The following NEMF variants were observed in gnomAD, a reference collection of about 807,000 sequenced individuals.
NEMF encodes nuclear export mediator factor.
A neutral mutation model predicts 162.2 loss-of-function variants in NEMF; 89 were observed. The ratio of observed to expected loss-of-function variants is 0.55; its 90% CI spans 0.46 to 0.65. The LOEUF is 0.65. Among genes scored for constraint, NEMF ranks in the 30% least tolerant of loss-of-function variants. The pLI, the probability that NEMF is intolerant of heterozygous loss-of-function variation, is 0.00. For missense variants in NEMF, 1,133 were observed against 1,261.9 expected, an observed-to-expected ratio of 0.90 and a Z score of 1.55; for synonymous variants, 421 against 404.5, an observed-to-expected ratio of 1.04 and a Z score of -0.49.
chr14:49,841,574 T>C (rs576496093), intron 4 of NEMF, among the ~76,000 whole-genome samples: 1 of 118,026 alleles, frequency 8.5e-6, no homozygotes, highest in Admixed American at 8.6e-5. Context: ...AACTCTCGTC[T>C]TAAGAAAAAA....
At chr14:49,788,855 CCTCT>C (rs1391068261) in intron 28 of NEMF, among the ~76,000 whole-genome samples, 1 of 152,130 alleles carries the variant, frequency 6.6e-6, no homozygotes, top group Admixed American at 6.5e-5. Context: ...CCGTGCCAGG[CCTCT>C]CTGTCTTAAT....
At position 49,828,333 on chromosome 14, in the gene NEMF, A is replaced by AT; in HGVS notation, c.1445dup (p.Tyr482Ter). The change falls in exon 15 of 33, where the codon TAT becomes TAAT. Residue 482 changes from tyrosine (Y) to a stop codon, truncating the protein, a stop_gained and frameshift_variant. Coordinates refer to ENST00000298310, the MANE Select transcript of NEMF (RefSeq NM_004713.6). LOFTEE classifies it high-confidence loss of function. ...CAGTCTTTTGTGTTTTCTTAGCAGC[A>AT]TATCTCTTGTGATCATAATACCTAG... ...NAKKYYDHKR[Y>*]AAKKTQKTVE... 1 of 1,599,100 alleles carries AT rather than the reference A, an allele frequency of 6.3e-7. No individual in the cohort carries two copies. The highest frequency in any genetic ancestry group is 8.5e-7 in the Non-Finnish European group (1 of 1,169,788).
At chr14:49,849,470 A>G (rs1167680683) in intron 3 of NEMF, among the ~76,000 whole-genome samples, 2 of 152,264 alleles carry the variant, frequency 1.3e-5, no homozygotes, top group Non-Finnish European at 2.9e-5. Flanking sequence ...GATTTATCAC[A>G]TAATAGACAT....
intron 26 of NEMF, among the ~76,000 whole-genome samples, chr14:49,791,592 C>A (rs891963664): frequency 6.6e-6 from 1 of 151,864 alleles, no homozygotes; most frequent in Admixed American, 6.6e-5. Context: ...CAAAAAGTAG[C>A]TGGGCATAGT....
At chr14:49,796,846 C>G (rs754482620) in intron 25 of NEMF, among the ~76,000 whole-genome samples, 8 of 152,170 alleles carry the variant, frequency 5.3e-5, no homozygotes, top group Non-Finnish European at 1.2e-4. Flanking sequence ...TATCATTTCC[C>G]CAAAGCACTA....
rs986207069 is a variant in NEMF, at chr14:49,796,049, T to G, written c.2466-105A>C. The G allele has an allele frequency of 1.3e-5, 10 of 743,592 alleles. No homozygotes were observed. The African/African-American group carries it at 1.6e-4, about 12-fold the overall frequency. 46.1% of individuals were successfully genotyped at this position (743,592 alleles called of 1,614,324 possible). ...CACATATACAGTATATAAATGGTCA[T>G]GGCTTCTGCTTCACTTGATAATCAC... is the stretch of plus-strand genomic sequence containing the variant. On this transcript the variant is annotated intron_variant, in intron 25 of 32. Coordinates refer to ENST00000298310, the MANE Select transcript of NEMF (RefSeq NM_004713.6).
At chr14:49,811,503 C>T (rs993123425) in intron 18 of NEMF, among the ~76,000 whole-genome samples, 2 of 152,118 alleles carry the variant, frequency 1.3e-5, no homozygotes, top group African/African-American at 4.8e-5. Context: ...CAAGAACAGA[C>T]ATATTTGTCT....
chr14:49,799,606 A>T, intron 24 of NEMF, 30 bp downstream of exon 24: 1 of 1,601,416 alleles, frequency 6.2e-7, no homozygotes, highest in Non-Finnish European at 8.5e-7. Context: ...TGAGAATCGG[A>T]TGTTCTTCAT....
intron 5 of NEMF, among the ~76,000 whole-genome samples, chr14:49,840,048 T>TA (rs1392423411): frequency 6.6e-6 from 1 of 152,082 alleles, no homozygotes; most frequent in African/African-American, 2.4e-5. Flanking sequence ...TAGTTCCACC[T>TA]ACTTGGGAGG....
intron 18 of NEMF, 61 bp downstream of exon 18, chr14:49,813,927 G>T: frequency 9.8e-7 from 1 of 1,023,204 alleles, no homozygotes; most frequent in Admixed American, 1.8e-5. Context: ...TTGTCTTACA[G>T]TCACACTAAA....
At chr14:49,829,830 A>C (rs1892551961) in intron 11 of NEMF, among the ~76,000 whole-genome samples, 1 of 152,018 alleles carries the variant, frequency 6.6e-6, no homozygotes, top group South Asian at 2.1e-4. Flanking sequence ...GCTGCTCTCC[A>C]ATGTCTGAGC....
At chr14:49,828,430 A>T in intron 14 of NEMF, 76 bp from the exon 15 acceptor site, 9 of 1,054,498 alleles carry the variant, frequency 8.5e-6, no homozygotes, top group Non-Finnish European at 1.3e-5. Flanking sequence ...TAACTTGACA[A>T]ATTCTCAAAT....
chr14:49,825,977 A>G, intron 15 of NEMF, 22 bp from the exon 16 acceptor site: 1 of 1,514,342 alleles, frequency 6.6e-7, no homozygotes, highest in Non-Finnish European at 9.1e-7. Flanking sequence ...AAAGAGTTTT[A>G]AAAACAATTT....
intron 29 of NEMF, 115 bp downstream of exon 29, chr14:49,786,603 C>G: frequency 1.0e-6 from 1 of 975,422 alleles, no homozygotes; most frequent in Non-Finnish European, 1.6e-6. Flanking sequence ...AGTTTGACTT[C>G]GTAGCCTGCA....
chr14:49,782,973 A>C lies in NEMF; in HGVS notation c.*1663T>G, dbSNP rs765718382. The C allele has an allele frequency of 8.7e-6, 14 of 1,607,730 alleles. 1 individual carries two copies. Among genetic ancestry groups the C allele is most frequent in the Admixed American group, 1.7e-5 (1 of 58,896 alleles). On this transcript the variant is annotated 3_prime_UTR_variant, in exon 33 of 33. Coordinates refer to ENST00000298310, the MANE Select transcript of NEMF (RefSeq NM_004713.6). The stretch of plus-strand genomic sequence containing the variant: ...TCTTAAGGCTTCATAAATAATGCCT[A>C]TGATCACCTTGCATGGACAGCAATC...
At chr14:49,791,722 G>A (rs1378588126) in intron 26 of NEMF, among the ~76,000 whole-genome samples, 1 of 127,112 alleles carries the variant, frequency 7.9e-6, no homozygotes, top group Non-Finnish European at 1.6e-5. Context: ...GGGCAACAGA[G>A]CGAGACTCCA....
chr14:49,796,794 A>C (rs1319292915), intron 25 of NEMF, among the ~76,000 whole-genome samples: 1 of 152,218 alleles, frequency 6.6e-6, no homozygotes, highest in Non-Finnish European at 1.5e-5. Context: ...ATTATCTACC[A>C]TTTAATACAC....
rs1488624873 is a variant in NEMF at position 49,834,453 on chromosome 14, T to C, written c.575-4A>G. The stretch of plus-strand genomic sequence containing the variant: ...TCAATGAGAGCTGGTCCATAGGCTA[T>C]AAATGCAGAGGATATTACTTTTAGT... On this transcript the variant is annotated splice_region_variant and splice_polypyrimidine_tract_variant and intron_variant, in intron 6 of 32. Transcript: ENST00000298310. 2.6e-6 allele frequency: 4 copies of C among 1,545,880 alleles called. No individual in the cohort carries two copies. Among genetic ancestry groups the C allele is most frequent in the African/African-American group, 1.4e-5 (1 of 73,410 alleles).
At chr14:49,825,773 C>T (rs752590891) in intron 16 of NEMF, 94 bp downstream of exon 16, 281 of 807,950 alleles carry the variant, frequency 3.5e-4, no homozygotes, top group Non-Finnish European at 5.1e-4. Flanking sequence ...GGTTTTGTAA[C>T]AAGCTTTGTA....
Sources: allele counts gnomAD v4.1 joint callset (sites outside exome capture counted in the v4.1 genomes callset), GRCh38; gene constraint gnomAD v4.1.1; transcripts MANE v1.5; gene names NCBI Gene and HGNC (gene_info 2026-07-23, HGNC 2026-07-21).